The following DMD variants were observed in gnomAD, a reference collection of about 807,000 sequenced individuals.
DMD encodes the protein mutant dystrophin.
In DMD, 63 loss-of-function variants were observed where a neutral mutation model predicts 330.1. That is an observed-to-expected ratio of 0.19 (90% confidence interval 0.16 to 0.24). The LOEUF (loss-of-function observed/expected upper bound fraction) is 0.24, where lower values mean the gene tolerates loss of function less well. DMD is among the 10% of genes least tolerant of loss of function. The probability of loss-of-function intolerance (pLI) is 1.00; values close to 1 mark genes in which losing one functional copy is unlikely to be tolerated. For synonymous variants in DMD, 1,223 were observed against 959.8 expected, an observed-to-expected ratio of 1.27 and a Z score of -5.07; for missense variants, 3,344 against 2,684.1, an observed-to-expected ratio of 1.25 and a Z score of -5.43.
chrX:32,071,980 A>C (rs770669057), intron 44 of DMD, among the ~76,000 whole-genome samples: 75 of 112,209 alleles, frequency 6.7e-4, no homozygotes, highest in African/African-American at 2.3e-3. Flanking sequence ...GTTGGCATTT[A>C]TCAGAATTAT....
rs188028665 is a variant in DMD, at chrX:32,536,191, C to T, written c.2168+8968G>A. Among the ~76,000 whole-genome samples the T allele has an allele frequency of 8.6e-3, 828 of 96,810 alleles. 8 individuals are homozygous for T. Among genetic ancestry groups the T allele is most frequent in the Middle Eastern group, 0.036 (6 of 167 alleles). 84.1% of individuals were successfully genotyped at this position (96,810 alleles called of 115,157 possible). On this transcript the variant is annotated intron_variant, in intron 17 of 78. Coordinates refer to ENST00000357033, the MANE Select transcript of DMD (RefSeq NM_004006.3). Reference sequence around the variant, plus strand: ...GAGGCAGGACAATCGCTTGAACCCACGGGGCAGAGGATGCAGTAAGCTGAG... The same window carrying T: ...GAGGCAGGACAATCGCTTGAACCCATGGGGCAGAGGATGCAGTAAGCTGAG...
At chrX:31,179,795 G>T (rs1328733783) in intron 69 of DMD, among the ~76,000 whole-genome samples, 1 of 111,916 alleles carries the variant, frequency 8.9e-6, no homozygotes, top group Non-Finnish European at 1.9e-5. Flanking sequence ...AGAACCTTGA[G>T]TAAATTATTT....
At chrX:31,405,277 A>G (rs891716697) in intron 60 of DMD, among the ~76,000 whole-genome samples, 14 of 112,361 alleles carry the variant, frequency 1.2e-4, no homozygotes, top group African/African-American at 4.2e-4. Context: ...AATCAGGCAC[A>G]GGCAATGAAA....
intron 7 of DMD, among the ~76,000 whole-genome samples, chrX:32,711,445 C>T (rs192432268): frequency 1.5e-4 from 17 of 111,378 alleles, no homozygotes; most frequent in Non-Finnish European, 3.0e-4. Flanking sequence ...GGGTCATTTC[C>T]ACTCTTATCT....
chrX:32,189,874 GTTTTGTTACATTTT>G (rs1360436145), intron 44 of DMD, among the ~76,000 whole-genome samples: 5 of 110,696 alleles, frequency 4.5e-5, no homozygotes, highest in Non-Finnish European at 9.5e-5. Flanking sequence ...ATACTGTATT[GTTTTGTTACATTTT>G]TTTTATTATA....
At chrX:33,228,278 AGTGTGTGT>A (rs60369848) in intron 1 of DMD, among the ~76,000 whole-genome samples, 4 of 93,476 alleles carry the variant, frequency 4.3e-5, no homozygotes, top group Non-Finnish European at 8.6e-5. Context: ...CCCAAGTTTA[AGTGTGTGT>A]GTGTGTGTGT....
At chrX:31,876,045 G>A (rs1252330841) in intron 47 of DMD, among the ~76,000 whole-genome samples, 2 of 112,232 alleles carry the variant, frequency 1.8e-5, no homozygotes, top group East Asian at 5.6e-4. Context: ...AGAAGCAGGT[G>A]GTTGAGATGA....
chrX:32,438,588 G>T (rs1392749803), intron 28 of DMD, among the ~76,000 whole-genome samples, 198 bp from the exon 29 acceptor site: 1 of 111,449 alleles, frequency 9.0e-6, no homozygotes, highest in Non-Finnish European at 1.9e-5. Context: ...ATCTTCATGG[G>T]ATTATGACAG....
At chrX:32,485,575 A>C (rs1335485751) in intron 20 of DMD, among the ~76,000 whole-genome samples, 2 of 108,897 alleles carry the variant, frequency 1.8e-5, no homozygotes, top group Admixed American at 1.0e-4. Context: ...TATAATTATA[A>C]ATATATTTTG....
chrX:32,273,230 T>C (rs2097371825), intron 43 of DMD, among the ~76,000 whole-genome samples: 1 of 109,482 alleles, frequency 9.1e-6, no homozygotes, highest in South Asian at 3.9e-4. Flanking sequence ...AAGGGAAGGG[T>C]TAACTAAAGA....
At chrX:31,879,294 G>A (rs1001680299) in intron 47 of DMD, among the ~76,000 whole-genome samples, 2 of 109,422 alleles carry the variant, frequency 1.8e-5, no homozygotes, top group Non-Finnish European at 3.8e-5. Context: ...AGCTTGCTCA[G>A]GGGAACTCAC....
At chrX:31,550,342 T>A (rs1393988269) in intron 55 of DMD, among the ~76,000 whole-genome samples, 1 of 112,005 alleles carries the variant, frequency 8.9e-6, no homozygotes, top group Non-Finnish European at 1.9e-5. Context: ...GGGTGGGGTA[T>A]AATGACAAGC....
At chrX:32,768,331 A>C (rs1177603568) in intron 7 of DMD, among the ~76,000 whole-genome samples, 4 of 111,796 alleles carry the variant, frequency 3.6e-5, no homozygotes, top group African/African-American at 9.7e-5. Context: ...ATGTGTCAAT[A>C]TCGTAACAAT....
chrX:31,696,746 AT>A (rs1250736858), intron 52 of DMD, among the ~76,000 whole-genome samples: 2 of 112,172 alleles, frequency 1.8e-5, no homozygotes, highest in Non-Finnish European at 1.9e-5. Context: ...GCTGCTGTGA[AT>A]AATAAAAGAT....
chrX:31,737,785 G>A (rs1443598138), intron 51 of DMD, among the ~76,000 whole-genome samples: 1 of 111,955 alleles, frequency 8.9e-6, no homozygotes, highest in Non-Finnish European at 1.9e-5. Flanking sequence ...GGAATTCTCA[G>A]CAAAGACTTC....
chrX:31,696,317 C>A (rs1322848219), intron 52 of DMD, among the ~76,000 whole-genome samples: 1 of 111,839 alleles, frequency 8.9e-6, no homozygotes, highest in Non-Finnish European at 1.9e-5. Flanking sequence ...GAACAATCCA[C>A]AACTACATAC....
At chrX:32,248,630 C>G (rs1358238885) in intron 43 of DMD, among the ~76,000 whole-genome samples, 2 of 109,506 alleles carry the variant, frequency 1.8e-5, no homozygotes, top group Non-Finnish European at 3.8e-5. Context: ...GTAATTAACT[C>G]ATTGCAAACA....
intron 52 of DMD, among the ~76,000 whole-genome samples, chrX:31,684,526 G>A (rs747518195): frequency 8.9e-6 from 1 of 111,784 alleles, no homozygotes; most frequent in Non-Finnish European, 1.9e-5. Context: ...TGGCTTTAGT[G>A]GTTAATTCAA....
At chrX:32,349,614 C>T (rs954271964) in intron 37 of DMD, among the ~76,000 whole-genome samples, 3 of 111,232 alleles carry the variant, frequency 2.7e-5, no homozygotes, top group African/African-American at 6.5e-5. Flanking sequence ...GTGAACAATA[C>T]GGATAAGTGT....
Sources: allele counts gnomAD v4.1 joint callset (sites outside exome capture counted in the v4.1 genomes callset), GRCh38; gene constraint gnomAD v4.1.1; transcripts MANE v1.5; gene names NCBI Gene and HGNC (gene_info 2026-07-23, HGNC 2026-07-21).